The following SEM1 variants were observed in gnomAD, a reference collection of about 807,000 sequenced individuals.
SEM1 encodes SEM1 26S proteasome subunit, also known as 26S proteasome complex subunit SEM1.
In SEM1, 3 loss-of-function variants were observed where a neutral mutation model predicts 12.7. The ratio of observed to expected loss-of-function variants is 0.24; its 90% CI spans 0.11 to 0.61. The LOEUF (loss-of-function observed/expected upper bound fraction) is 0.61, where lower values mean the gene tolerates loss of function less well. Ranked by LOEUF, SEM1 falls within the 20% of genes least tolerant of loss-of-function variation. SEM1 has a pLI of 0.88. For missense variants in SEM1, 59 were observed against 81.3 expected (o/e 0.73, Z 1.06); for synonymous variants, 30 against 27.8 (o/e 1.08, Z -0.25).
intron 2 of SEM1, among the ~76,000 whole-genome samples, chr7:96,507,219 T>A (rs1803781023): frequency 6.6e-6 from 1 of 152,120 alleles, no homozygotes. Flanking sequence ...AAAGAATATA[T>A]ATAATGTTTT....
At chr7:96,604,008 TTTAAG>T (rs1378652247) in intron 2 of SEM1, among the ~76,000 whole-genome samples, 14 of 152,144 alleles carry the variant, frequency 9.2e-5, no homozygotes, top group African/African-American at 3.4e-4. Flanking sequence ...GAAAAGTTAT[TTTAAG>T]TTTATTTTAC....
chr7:96,577,986 T>C (rs900722193), intron 2 of SEM1, among the ~76,000 whole-genome samples: 2 of 151,982 alleles, frequency 1.3e-5, no homozygotes, highest in African/African-American at 2.4e-5. Context: ...TTAAGTATTA[T>C]TAAGAAGTAA....
chr7:96,575,526 C>T (rs970633850), intron 2 of SEM1, among the ~76,000 whole-genome samples: 1 of 152,230 alleles, frequency 6.6e-6, no homozygotes, highest in African/African-American at 2.4e-5. Flanking sequence ...TGTTTATAGA[C>T]AGCAGGCAGG....
intron 2 of SEM1, among the ~76,000 whole-genome samples, chr7:96,661,885 G>A (rs1245973939): frequency 6.6e-6 from 1 of 151,812 alleles, no homozygotes; most frequent in Non-Finnish European, 1.5e-5. Context: ...CTACTCTGGA[G>A]GCTGAGGCAG....
chr7:96,535,266 C>T (rs1021521853), intron 2 of SEM1, among the ~76,000 whole-genome samples: 1 of 151,770 alleles, frequency 6.6e-6, no homozygotes, highest in African/African-American at 2.4e-5. Context: ...GTCTAGTGTC[C>T]TAGACCACTA....
intron 2 of SEM1, among the ~76,000 whole-genome samples, chr7:96,544,099 A>C (rs1415614628): frequency 6.6e-6 from 1 of 152,054 alleles, no homozygotes; most frequent in Non-Finnish European, 1.5e-5. Context: ...CATCAGCGTT[A>C]AAACATCACA....
intron 2 of SEM1, among the ~76,000 whole-genome samples, chr7:96,528,619 A>G (rs900245014): frequency 1.3e-5 from 2 of 152,138 alleles, no homozygotes; most frequent in Non-Finnish European, 2.9e-5. Context: ...CACTTTCTAA[A>G]TCTGGGATAA....
chr7:96,486,277 C>T (rs375118928), exon 2 of SEM1: 20 of 1,536,880 alleles, frequency 1.3e-5, no homozygotes, highest in African/African-American at 8.2e-5. Flanking sequence ...TTGCAAAGGC[C>T]GGATGCTTAC....
At chr7:96,631,138 GA>G (rs1808246360) in intron 2 of SEM1, among the ~76,000 whole-genome samples, 1 of 152,182 alleles carries the variant, frequency 6.6e-6, no homozygotes, top group African/African-American at 2.4e-5. Context: ...AGCTTCCCCT[GA>G]CTGATGTGTC....
intron 2 of SEM1, among the ~76,000 whole-genome samples, chr7:96,694,201 C>CG (rs1790021774): frequency 6.6e-6 from 1 of 151,858 alleles, no homozygotes; most frequent in African/African-American, 2.4e-5. Flanking sequence ...CAAGAAAGAA[C>CG]GTGGAATGAC....
chr7:96,653,946 C>T (rs1809089443), intron 2 of SEM1: 4 of 152,148 alleles, frequency 2.6e-5, no homozygotes, highest in Admixed American at 2.6e-4. Context: ...CAATTGGAAG[C>T]TAGGCCATCT....
chr7:96,613,020 G>C (rs759105235), intron 2 of SEM1, among the ~76,000 whole-genome samples: 9 of 152,154 alleles, frequency 5.9e-5, no homozygotes, highest in Admixed American at 3.3e-4. Context: ...AAAGTCATCT[G>C]TACCTGCAAA....
intron 2 of SEM1, among the ~76,000 whole-genome samples, chr7:96,564,665 T>G (rs1343316504): frequency 6.6e-6 from 1 of 151,968 alleles, no homozygotes; most frequent in African/African-American, 2.4e-5. Flanking sequence ...GGGACCCAAT[T>G]TCCTAAGTAC....
chr7:96,593,551 T>G (rs2116148986), intron 2 of SEM1, among the ~76,000 whole-genome samples: 1 of 152,292 alleles, frequency 6.6e-6, no homozygotes, highest in Non-Finnish European at 1.5e-5. Flanking sequence ...CTCCCTCCTC[T>G]TGCTATAGTA....
chr7:96,671,094 G>A (rs756301536), downstream of SEM1, among the ~76,000 whole-genome samples: 1 of 152,322 alleles, frequency 6.6e-6, no homozygotes, highest in South Asian at 2.1e-4. Context: ...TGCTGACTCA[G>A]TGAGAATAGC....
intron 2 of SEM1, chr7:96,650,095 G>A (rs1808923731): frequency 6.0e-6 from 1 of 165,410 alleles, no homozygotes; most frequent in African/African-American, 2.4e-5. Flanking sequence ...GCTAAACAAA[G>A]TTAAACAGAG....
chr7:96,601,923 T>A (rs186146980), intron 2 of SEM1, among the ~76,000 whole-genome samples: 6 of 152,284 alleles, frequency 3.9e-5, no homozygotes, highest in Admixed American at 3.3e-4. Context: ...AAAAGGTCTA[T>A]TACATTGGAT....
At chr7:96,610,789 T>C (rs117082964) in intron 2 of SEM1, among the ~76,000 whole-genome samples, 2 of 152,318 alleles carry the variant, frequency 1.3e-5, no homozygotes, top group East Asian at 3.9e-4. Context: ...TTCAAAAATG[T>C]TCACAGCGTT....
At chr7:96,644,138 C>G (rs943285733) in intron 2 of SEM1, among the ~76,000 whole-genome samples, 7 of 152,006 alleles carry the variant, frequency 4.6e-5, no homozygotes, top group Non-Finnish European at 7.4e-5. Context: ...GTTTGCTCCT[C>G]TAAATGACGT....
Sources: allele counts gnomAD v4.1 joint callset (sites outside exome capture counted in the v4.1 genomes callset), GRCh38; gene constraint gnomAD v4.1.1; transcripts MANE v1.5; gene names NCBI Gene and HGNC (gene_info 2026-07-23, HGNC 2026-07-21).